The following RAPGEF6 variants were observed in gnomAD, a reference collection of about 807,000 sequenced individuals.
RAPGEF6 encodes the protein PDZ domain containing guanine nucleotide exchange factor (GEF) 2.
Under a neutral mutation model 171.4 loss-of-function variants are expected in RAPGEF6, and 56 were observed. The ratio of observed to expected loss-of-function variants is 0.33; its 90% CI spans 0.26 to 0.41. The LOEUF (loss-of-function observed/expected upper bound fraction) is 0.41, where lower values mean the gene tolerates loss of function less well. Among genes scored for constraint, RAPGEF6 ranks in the 10% least tolerant of loss-of-function variants. The pLI, the probability that RAPGEF6 is intolerant of heterozygous loss-of-function variation, is 1.00. For synonymous variants in RAPGEF6, 692 were observed against 650.1 expected (o/e 1.06, Z -0.98); for missense variants, 1,674 against 1,921.4 (o/e 0.87, Z 2.41).
At chr5:131,581,547 A>C (rs1762959271) in intron 4 of RAPGEF6, among the ~76,000 whole-genome samples, 1 of 151,982 alleles carries the variant, frequency 6.6e-6, no homozygotes, top group Admixed American at 6.6e-5. Context: ...CTTCAGTCTA[A>C]TCTCTCCCAC....
chr5:131,515,426 T>C (rs1013113395), intron 7 of RAPGEF6, among the ~76,000 whole-genome samples: 53 of 152,186 alleles, frequency 3.5e-4, no homozygotes, highest in African/African-American at 1.2e-3. Context: ...GATCTGCATT[T>C]TCCTTGAAGC....
intron 19 of RAPGEF6, among the ~76,000 whole-genome samples, chr5:131,461,299 A>G (rs1258631125): frequency 6.6e-6 from 1 of 152,194 alleles, no homozygotes; most frequent in African/African-American, 2.4e-5. Flanking sequence ...ACTTTAGGTC[A>G]AAGTACTGAT....
At chr5:131,624,137 A>G (rs766796809) in intron 1 of RAPGEF6, among the ~76,000 whole-genome samples, 3 of 152,250 alleles carry the variant, frequency 2.0e-5, no homozygotes, top group Non-Finnish European at 4.4e-5. Context: ...ACTGTTTATT[A>G]TCAAGATACT....
At chr5:131,513,900 T>C (rs1757906446) in intron 7 of RAPGEF6, among the ~76,000 whole-genome samples, 2 of 152,098 alleles carry the variant, frequency 1.3e-5, no homozygotes, top group East Asian at 1.9e-4. Flanking sequence ...TGGTGGCACA[T>C]GCCTGCACTC....
chr5:131,500,230 C>T (rs557907147), intron 11 of RAPGEF6, among the ~76,000 whole-genome samples: 6 of 152,220 alleles, frequency 3.9e-5, no homozygotes, highest in Admixed American at 6.5e-5. Context: ...GTACGAAAAT[C>T]GTTTCTCTAG....
intron 6 of RAPGEF6, among the ~76,000 whole-genome samples, chr5:131,526,470 C>T (rs1213808496): frequency 1.3e-5 from 2 of 152,140 alleles, no homozygotes; most frequent in Non-Finnish European, 2.9e-5. Context: ...GAAACCCAGG[C>T]AGCCTGACTA....
Position 131,495,666 on chromosome 5 carries a change from G to T in RAPGEF6, c.1420-6C>A, listed in dbSNP as rs781637159. On this transcript the variant is annotated splice_polypyrimidine_tract_variant and splice_region_variant and intron_variant, in intron 12 of 27. Transcript: ENST00000509018. ...AATAATACAATCCGTGTCACCTGTG[G>T]AAACATAAAAGAGGCAGCATATGGT... The T allele has an allele frequency of 1.2e-6, 2 of 1,609,788 alleles. No homozygotes were observed. Among genetic ancestry groups the T allele is most frequent in the Non-Finnish European group, 1.7e-6 (2 of 1,177,650 alleles).
At chr5:131,556,071 TA>T (rs1283817699) in intron 5 of RAPGEF6, among the ~76,000 whole-genome samples, 1 of 152,156 alleles carries the variant, frequency 6.6e-6, no homozygotes, top group Non-Finnish European at 1.5e-5. Flanking sequence ...TACAGTATTA[TA>T]ATTTTATGGA....
chr5:131,625,219 G>A (rs1281665512), intron 1 of RAPGEF6, among the ~76,000 whole-genome samples: 1 of 152,134 alleles, frequency 6.6e-6, no homozygotes, highest in Non-Finnish European at 1.5e-5. Flanking sequence ...CTGAGATTGT[G>A]CCACTGCACT....
In RAPGEF6 at chr5:131,442,536, C is replaced by A; in HGVS notation, c.3423G>T (p.Leu1141Phe). The change falls in exon 23 of 28, where the codon TTG becomes TTT. Residue 1141 changes from leucine (L) to phenylalanine (F), a missense_variant and splice_region_variant. Coordinates refer to ENST00000509018, the MANE Select transcript of RAPGEF6 (RefSeq NM_016340.6). ...ATCTTTTCTCACTTAAATTCTTGGT[C>A]ACTAACAGGAGAGAGTAAGAAATAA... ...SLQWEPAYGT[L>F]TKNLSEKRSA... 6.2e-7 allele frequency: 1 copy of A among 1,613,610 alleles called. No individual in the cohort carries two copies. The highest frequency in any genetic ancestry group is 1.1e-5 in the South Asian group (1 of 90,970).
chr5:131,424,734 G>T lies in RAPGEF6; in HGVS notation c.*2532C>A, dbSNP rs918262210. 1.3e-5 allele frequency: 2 copies of T among 152,212 alleles called. No homozygotes were observed. Among genetic ancestry groups the T allele is most frequent in the Non-Finnish European group, 2.9e-5 (2 of 68,018 alleles). The allele number at this position is 152,212 out of a possible 1,614,324, so 9.4% of individuals were successfully genotyped here. A position where few individuals can be genotyped will look rare whatever the true frequency, so the allele number is the denominator to read the frequency against. ...ATAAGCTTTTATGGAATCATGTACT[G>T]GATTTACTAATTCTCAAAATCTTTC... is the stretch of plus-strand genomic sequence containing the variant. On this transcript the variant is annotated 3_prime_UTR_variant, in exon 28 of 28. Transcript: ENST00000509018.
chr5:131,453,192 T>A lies in RAPGEF6; in HGVS notation c.3077-15A>T. On this transcript the variant is annotated splice_polypyrimidine_tract_variant and intron_variant, in intron 20 of 27. Coordinates refer to ENST00000509018, the MANE Select transcript of RAPGEF6 (RefSeq NM_016340.6). ...GGAGTCATTTCCTATAGAATGAAAA[T>A]AAATGTTTAAGTTCAAAATTAAATT... The A allele has an allele frequency of 6.3e-7, 1 of 1,582,588 alleles. No individual in the cohort carries two copies. Among genetic ancestry groups the A allele is most frequent in the Non-Finnish European group, 8.6e-7 (1 of 1,161,352 alleles).
chr5:131,542,685 T>C (rs1203706236), intron 6 of RAPGEF6, among the ~76,000 whole-genome samples: 1 of 152,178 alleles, frequency 6.6e-6, no homozygotes, highest in Non-Finnish European at 1.5e-5. Flanking sequence ...TGCTTAATCC[T>C]TCCCAAGAAA....
At chr5:131,433,811 C>T (rs1278474748) in intron 24 of RAPGEF6, among the ~76,000 whole-genome samples, 153 bp from the exon 25 acceptor site, 1 of 151,902 alleles carries the variant, frequency 6.6e-6, no homozygotes, top group East Asian at 1.9e-4. Context: ...ATAATGGTGC[C>T]AATTTTCTCC....
intron 17 of RAPGEF6, 163 bp from the exon 18 acceptor site, chr5:131,464,444 CT>C (rs374880967): frequency 0.11 from 47,488 of 436,656 alleles, 25 homozygotes; most frequent in South Asian, 0.19. Context: ...TAAATATATC[CT>C]TTTTTTTTTT....
chr5:131,521,609 A>G, intron 6 of RAPGEF6, 88 bp from the exon 7 acceptor site: 8 of 1,208,102 alleles, frequency 6.6e-6, no homozygotes, highest in Non-Finnish European at 9.0e-6. Context: ...TTTTATGTAC[A>G]TTACTGTGCA....
At chr5:131,435,095 C>CTT (rs1177499978) in intron 24 of RAPGEF6, among the ~76,000 whole-genome samples, 10 of 152,132 alleles carry the variant, frequency 6.6e-5, no homozygotes, top group Admixed American at 2.6e-4. Flanking sequence ...GTTTATGGAT[C>CTT]TTGGAGTTAT....
chr5:131,603,122 G>T, intron 3 of RAPGEF6, 149 bp downstream of exon 3: 1 of 585,618 alleles, frequency 1.7e-6, no homozygotes, highest in Non-Finnish European at 3.0e-6. Context: ...ACTTTTGGTG[G>T]ATTCTATGTA....
intron 1 of RAPGEF6, among the ~76,000 whole-genome samples, chr5:131,617,587 G>A (rs1765349634): frequency 6.6e-6 from 1 of 151,930 alleles, no homozygotes. Flanking sequence ...TGAGTAGCTG[G>A]GATTACAGGC....
Sources: allele counts gnomAD v4.1 joint callset (sites outside exome capture counted in the v4.1 genomes callset), GRCh38; gene constraint gnomAD v4.1.1; transcripts MANE v1.5; gene names NCBI Gene and HGNC (gene_info 2026-07-23, HGNC 2026-07-21).